The following GRIK2 variants were observed in gnomAD, a reference collection of about 807,000 sequenced individuals.
The protein encoded by GRIK2 is glutamate ionotropic receptor kainate type subunit 2, also known as glutamate receptor ionotropic, kainate 2.
Under a neutral mutation model 100.3 loss-of-function variants are expected in GRIK2, and 32 were observed. That is an observed-to-expected ratio of 0.32 (90% confidence interval 0.24 to 0.43). The LOEUF (loss-of-function observed/expected upper bound fraction) is 0.43. Ranked by LOEUF, GRIK2 falls within the 20% of genes least tolerant of loss-of-function variation. The pLI, the probability that GRIK2 is intolerant of heterozygous loss-of-function variation, is 1.00. For synonymous variants in GRIK2, 417 were observed against 389.4 expected, an observed-to-expected ratio of 1.07 and a Z score of -0.83; for missense variants, 843 against 1,114.9, an observed-to-expected ratio of 0.76 and a Z score of 3.47.
At chr6:101,510,071 T>A (rs189239444) in intron 2 of GRIK2, among the ~76,000 whole-genome samples, 2 of 152,338 alleles carry the variant, frequency 1.3e-5, no homozygotes, top group Admixed American at 1.3e-4. Context: ...TAAATTTTTT[T>A]AAATTCCACT....
chr6:101,819,248 C>G (rs10081032), intron 10 of GRIK2, among the ~76,000 whole-genome samples: 1 of 152,146 alleles, frequency 6.6e-6, no homozygotes. Context: ...TATTAATCCT[C>G]AGGTAGTCAG....
intron 2 of GRIK2, among the ~76,000 whole-genome samples, chr6:101,498,134 T>C (rs1186709874): frequency 6.7e-6 from 1 of 149,318 alleles, no homozygotes; most frequent in East Asian, 2.0e-4. Context: ...TTTTTGTCCT[T>C]GTGATAGTTT....
chr6:101,705,575 T>C (rs1253074610), intron 7 of GRIK2, among the ~76,000 whole-genome samples: 2 of 151,844 alleles, frequency 1.3e-5, no homozygotes, highest in African/African-American at 4.8e-5. Flanking sequence ...AATAGCTCTA[T>C]GGAAAATGTA....
intron 2 of GRIK2, among the ~76,000 whole-genome samples, chr6:101,602,666 T>C (rs1269427806): frequency 1.3e-5 from 2 of 151,642 alleles, no homozygotes; most frequent in Non-Finnish European, 3.0e-5. Context: ...AGAAGGTCTA[T>C]GTTTCAGTGC....
intron 11 of GRIK2, among the ~76,000 whole-genome samples, chr6:101,860,710 T>A (rs1156779609): frequency 3.9e-5 from 6 of 152,142 alleles, no homozygotes; most frequent in Admixed American, 3.9e-4. Flanking sequence ...TGAAGTCTTC[T>A]GAAAGGGCTG....
intron 9 of GRIK2, among the ~76,000 whole-genome samples, chr6:101,809,329 A>G (rs940053987): frequency 2.0e-5 from 3 of 152,050 alleles, no homozygotes; most frequent in Admixed American, 2.0e-4. Context: ...TATTTTTTGT[A>G]AAGTATGTAT....
chr6:101,424,896 T>C (rs1776622042), intron 2 of GRIK2, among the ~76,000 whole-genome samples: 1 of 152,110 alleles, frequency 6.6e-6, no homozygotes, highest in Admixed American at 6.5e-5. Flanking sequence ...GGACACGAAC[T>C]CTTCATTTTT....
chr6:101,987,619 A>C (rs905736809), intron 14 of GRIK2, among the ~76,000 whole-genome samples: 1 of 150,582 alleles, frequency 6.6e-6, no homozygotes, highest in Non-Finnish European at 1.5e-5. Flanking sequence ...ACAATTAATT[A>C]GATGTATACT....
chr6:101,744,558 A>ATATATATATATATATATAATC (rs751011648), intron 7 of GRIK2: 1 of 115,048 alleles, frequency 8.7e-6, no homozygotes, highest in Admixed American at 9.0e-5. Flanking sequence ...ATATATATAT[A>ATATATATATATATATATAATC]TCACAATTTC....
chr6:101,565,923 ATATATATATGTG>A (rs1410648255), intron 2 of GRIK2, among the ~76,000 whole-genome samples: 1,838 of 108,126 alleles, frequency 0.017, 31 homozygotes, highest in African/African-American at 0.028. Flanking sequence ...TTTTATATAT[ATATATATATGTG>A]TATATATATA....
At chr6:101,881,245 A>G (rs1786219999) in intron 11 of GRIK2, among the ~76,000 whole-genome samples, 1 of 151,856 alleles carries the variant, frequency 6.6e-6, no homozygotes, top group Non-Finnish European at 1.5e-5. Context: ...GGTTTTATGT[A>G]TGTTTAAATA....
At chr6:102,021,599 A>G (rs2114366084) in intron 14 of GRIK2, among the ~76,000 whole-genome samples, 1 of 151,636 alleles carries the variant, frequency 6.6e-6, no homozygotes, top group South Asian at 2.1e-4. Context: ...AATGTCCTAG[A>G]GTTTTACTGT....
chr6:101,818,818 G>C (rs1350664417), intron 10 of GRIK2, among the ~76,000 whole-genome samples: 1 of 152,148 alleles, frequency 6.6e-6, no homozygotes. Context: ...ATAGTTAAGT[G>C]ATGAGCCAAA....
intron 7 of GRIK2, among the ~76,000 whole-genome samples, chr6:101,795,763 G>C (rs1278276930): frequency 6.6e-6 from 1 of 152,206 alleles, no homozygotes; most frequent in Non-Finnish European, 1.5e-5. Flanking sequence ...TGGGTGGCAT[G>C]CTTGGGTACT....
chr6:101,957,151 A>C (rs1327581992), intron 14 of GRIK2, among the ~76,000 whole-genome samples: 1 of 151,884 alleles, frequency 6.6e-6, no homozygotes, highest in East Asian at 1.9e-4. Flanking sequence ...ATGTGCTACA[A>C]CATGTGTTAA....
At chr6:101,402,109 G>A (rs1775341674) in intron 2 of GRIK2, among the ~76,000 whole-genome samples, 1 of 152,136 alleles carries the variant, frequency 6.6e-6, no homozygotes, top group Non-Finnish European at 1.5e-5. Context: ...CCTCCTGCGA[G>A]GTGAGGGGCA....
At chr6:101,455,879 G>A (rs376137163) in intron 2 of GRIK2, among the ~76,000 whole-genome samples, 3 of 152,048 alleles carry the variant, frequency 2.0e-5, no homozygotes, top group Non-Finnish European at 4.4e-5. Flanking sequence ...TAGTATCTCC[G>A]ATGGTAGATG....
At chr6:101,550,496 C>A (rs997194334) in intron 2 of GRIK2, among the ~76,000 whole-genome samples, 1 of 152,092 alleles carries the variant, frequency 6.6e-6, no homozygotes, top group Admixed American at 6.6e-5. Flanking sequence ...TATTGAGGAT[C>A]CAACAAAGAT....
At chr6:102,002,391 A>G (rs9404171) in intron 14 of GRIK2, among the ~76,000 whole-genome samples, 1 of 138,556 alleles carries the variant, frequency 7.2e-6, no homozygotes, top group African/African-American at 2.5e-5. Context: ...ATATATATGT[A>G]TATATGTATA....
Sources: gnomAD v4.1 joint callset for allele counts (sites outside exome capture counted in the v4.1 genomes callset) on GRCh38, gnomAD v4.1.1 for gene constraint, MANE v1.5 for transcripts, NCBI Gene and HGNC (gene_info 2026-07-23, HGNC 2026-07-21) for gene names.